The following CCDC7 variants were observed in gnomAD, a reference collection of about 807,000 sequenced individuals.
The protein encoded by CCDC7 is coiled-coil domain containing 7.
A neutral mutation model predicts 196.9 loss-of-function variants in CCDC7; 183 were observed. The observed-to-expected ratio is 0.93, with a 90% confidence interval of 0.82 to 1.05. CCDC7 has a LOEUF of 1.05. CCDC7 is among the 50% of genes least tolerant of loss of function. CCDC7 has a pLI of 0.00. For synonymous variants in CCDC7, 525 were observed against 484.6 expected, an observed-to-expected ratio of 1.08 and a Z score of -1.10; for missense variants, 1,540 against 1,482.2, an observed-to-expected ratio of 1.04 and a Z score of -0.64.
At chr10:32,704,926 C>G (rs552235020) in intron 24 of CCDC7, among the ~76,000 whole-genome samples, 265 of 152,278 alleles carry the variant, frequency 1.7e-3, no homozygotes, top group Middle Eastern at 0.014. Flanking sequence ...CTTTCCTTGG[C>G]TAGGAAAGGG....
At chr10:32,610,880 CAT>C (rs2062049312) in intron 18 of CCDC7, among the ~76,000 whole-genome samples, 3 of 152,188 alleles carry the variant, frequency 2.0e-5, no homozygotes, top group South Asian at 4.1e-4. Flanking sequence ...CCACAATAAA[CAT>C]ATGTGTGCAT....
intron 8 of CCDC7, among the ~76,000 whole-genome samples, chr10:32,480,228 C>G (rs554581025): frequency 1.3e-3 from 192 of 152,084 alleles, no homozygotes; most frequent in African/African-American, 4.4e-3. Flanking sequence ...CTTCCTTTTA[C>G]TAACTTTGGG....
intron 24 of CCDC7, among the ~76,000 whole-genome samples, chr10:32,703,848 C>T (rs1192081084): frequency 2.6e-5 from 4 of 152,156 alleles, no homozygotes; most frequent in African/African-American, 7.2e-5. Context: ...GTTCTCGTGC[C>T]TTGGTTTTCA....
intron 31 of CCDC7, among the ~76,000 whole-genome samples, chr10:32,823,905 A>G (rs929902172): frequency 3.3e-5 from 5 of 152,192 alleles, no homozygotes; most frequent in Non-Finnish European, 7.4e-5. Context: ...ACCAGAGAGA[A>G]GAGACTTTTT....
Position 32,544,957 on chromosome 10 carries a change from C to A in CCDC7, c.1134+656C>A, listed in dbSNP as rs1372462032. Reference sequence around the variant, plus strand: ...ATTAAGAAAGATTTCAAATTCAAAGCAAATATGCTTAATATTTCAAAACAA... The same window carrying A: ...ATTAAGAAAGATTTCAAATTCAAAGAAAATATGCTTAATATTTCAAAACAA... On this transcript the variant is annotated intron_variant, in intron 13 of 41. Coordinates refer to ENST00000639629, the Ensembl canonical transcript of CCDC7. Among the ~76,000 whole-genome samples, 47 of 151,894 alleles carry A rather than the reference C, an allele frequency of 3.1e-4. 1 individual carries two copies. Among genetic ancestry groups the A allele is most frequent in the Admixed American group, 3.0e-3 (46 of 15,254 alleles).
rs575936674 is a variant in CCDC7 at position 32,456,195 on chromosome 10, A to G, written c.373-56A>G. 96 of 1,363,978 alleles carry G rather than the reference A, an allele frequency of 7.0e-5. No individual in the cohort carries two copies. The East Asian group carries it at 2.4e-3, about 34-fold the overall frequency. 84.5% of individuals were successfully genotyped at this position (1,363,978 alleles called of 1,614,324 possible). A position where few individuals can be genotyped will look rare whatever the true frequency, so the allele number is the denominator to read the frequency against. On this transcript the variant is annotated intron_variant, in intron 2 of 41. Coordinates refer to ENST00000639629, the Ensembl canonical transcript of CCDC7. ...AAAAGTAAATATGCTAGAAAAAGAC[A>G]GACATGCATATGGATTCTTAAATGT...
intron 2 of CCDC7, among the ~76,000 whole-genome samples, chr10:32,454,733 C>G (rs1279591036): frequency 6.6e-6 from 1 of 152,124 alleles, no homozygotes; most frequent in Non-Finnish European, 1.5e-5. Context: ...TATTTCACAT[C>G]AACCACTAAT....
At chr10:32,795,530 G>A (rs369449908) in intron 29 of CCDC7, among the ~76,000 whole-genome samples, 72 of 151,952 alleles carry the variant, frequency 4.7e-4, no homozygotes, top group African/African-American at 1.6e-3. Flanking sequence ...ATTTTTGGTC[G>A]GAAAACTCTC....
At chr10:32,485,785 G>A (rs2134271628) in intron 8 of CCDC7, among the ~76,000 whole-genome samples, 1 of 152,266 alleles carries the variant, frequency 6.6e-6, no homozygotes. Flanking sequence ...AGGTTGTTCA[G>A]TTTCCATGTA....
At chr10:32,618,073 C>T (rs1419997377) in intron 18 of CCDC7, among the ~76,000 whole-genome samples, 1 of 151,884 alleles carries the variant, frequency 6.6e-6, no homozygotes, top group Non-Finnish European at 1.5e-5. Context: ...CCTTTGGTTT[C>T]TATTTGCATG....
intron 13 of CCDC7, among the ~76,000 whole-genome samples, chr10:32,548,188 C>A (rs544825281): frequency 1.3e-5 from 2 of 152,272 alleles, no homozygotes; most frequent in African/African-American, 4.8e-5. Context: ...GGTTCTTATT[C>A]CTGGTGCAGG....
At chr10:32,871,793 A>G (rs531655323) in intron 41 of CCDC7, among the ~76,000 whole-genome samples, 1 of 151,774 alleles carries the variant, frequency 6.6e-6, no homozygotes, top group East Asian at 1.9e-4. Context: ...AGATTCTGGT[A>G]TGTTGTGTCT....
intron 13 of CCDC7, among the ~76,000 whole-genome samples, chr10:32,560,134 A>G (rs1427421714): frequency 6.6e-6 from 1 of 152,210 alleles, no homozygotes; most frequent in Non-Finnish European, 1.5e-5. Flanking sequence ...AAAGAATAAA[A>G]AGAAACGAAC....
At chr10:32,744,469 C>T (rs1029102515) in intron 28 of CCDC7, among the ~76,000 whole-genome samples, 2 of 151,650 alleles carry the variant, frequency 1.3e-5, no homozygotes, top group Non-Finnish European at 2.9e-5. Context: ...TGTTGCTACA[C>T]GTTCTTTTCT....
At chr10:32,540,948 G>T (rs2051306183) in intron 11 of CCDC7, among the ~76,000 whole-genome samples, 1 of 152,034 alleles carries the variant, frequency 6.6e-6, no homozygotes, top group African/African-American at 2.4e-5. Flanking sequence ...GTTCATCAAT[G>T]ATATAGCAAA....
At chr10:32,731,854 C>T (rs1217042519) in intron 28 of CCDC7, among the ~76,000 whole-genome samples, 5 of 152,156 alleles carry the variant, frequency 3.3e-5, no homozygotes, top group Admixed American at 6.5e-5. Context: ...GAGATCGAGA[C>T]CATCCTGGCT....
chr10:32,480,991 A>C (rs187130377), intron 8 of CCDC7, among the ~76,000 whole-genome samples: 1 of 152,230 alleles, frequency 6.6e-6, no homozygotes, highest in East Asian at 1.9e-4. Flanking sequence ...CTCTCTCTTC[A>C]GATCTATTAA....
rs566015844 is a variant in CCDC7, at chr10:32,550,416, A to G, written c.1134+6115A>G. ...CTTTTATTTCTTTCTCTTGTCTGATAGCTCTTGCTAGGACTTTCAATACTA... is the reference window on the plus strand; with the variant it reads ...CTTTTATTTCTTTCTCTTGTCTGATGGCTCTTGCTAGGACTTTCAATACTA... On this transcript the variant is annotated intron_variant, in intron 13 of 41. Coordinates refer to ENST00000639629, the Ensembl canonical transcript of CCDC7. 3.9e-5 allele frequency among the ~76,000 whole-genome samples: 6 copies of G among 152,162 alleles called. No homozygotes were observed. The South Asian group carries it at 1.2e-3, about 32-fold the overall frequency.
intron 15 of CCDC7, among the ~76,000 whole-genome samples, chr10:32,568,230 C>T (rs146975428): frequency 0.036 from 5,541 of 152,128 alleles, 108 homozygotes; most frequent in Non-Finnish European, 0.05. Context: ...TGGTCTTGAT[C>T]TCCTGACCTC....
Sources: gnomAD v4.1 joint callset for allele counts (sites outside exome capture counted in the v4.1 genomes callset) on GRCh38, gnomAD v4.1.1 for gene constraint, MANE v1.5 for transcripts, NCBI Gene and HGNC (gene_info 2026-07-23, HGNC 2026-07-21) for gene names.